Variants in GAK observed in about 807,000 individuals in gnomAD.
The protein encoded by GAK is cyclin G associated kinase, also known as cyclin-G-associated kinase.
In GAK, 79 loss-of-function variants were observed where a neutral mutation model predicts 143.9. The observed-to-expected ratio is 0.55, with a 90% CI of 0.46 to 0.66. GAK has a LOEUF of 0.66. Among genes scored for constraint, GAK ranks in the 30% least tolerant of loss-of-function variants. GAK has a pLI of 0.00. For synonymous variants in GAK, 881 were observed against 765.5 expected, an observed-to-expected ratio of 1.15 and a Z score of -2.49; for missense variants, 1,693 against 1,779.7, an observed-to-expected ratio of 0.95 and a Z score of 0.88.
chr4:884,015 C>T (rs774227004), intron 12 of GAK, 22 bp downstream of exon 12: 2 of 1,611,594 alleles, frequency 1.2e-6, no homozygotes, highest in East Asian at 2.2e-5. Flanking sequence ...GCGCGTCCCA[C>T]AGCCTCATGT....
intron 15 of GAK, among the ~76,000 whole-genome samples, chr4:879,361 C>A (rs1370716993): frequency 6.6e-6 from 1 of 152,240 alleles, no homozygotes. Flanking sequence ...GGATTAAAAT[C>A]TACCATCTTG....
At position 850,962 on chromosome 4, in the gene GAK, T is replaced by C; in HGVS notation, c.3631A>G (p.Lys1211Glu). Residue 1211 changes from lysine to glutamate, a missense_variant, in exon 26 of 28, where the codon AAA (lysine) becomes GAA (glutamate). By Grantham distance (56) the Lys-to-Glu change is moderately conservative. Around this residue, in one of 2 missense-constraint regions of GAK, gnomAD observed 822 missense variants for 788.7 expected, o/e 1.04. Coordinates refer to ENST00000314167, the MANE Select transcript of GAK (RefSeq NM_005255.4). ...TTCAGCTTGAGTGGGTCCGTGTCTT[T>C]AGCCAGGTCCTGCTTCCTCATCTCT... ...IAEMRKQDLAKDTDPLKLKLL... is the reference protein window; with the variant it reads ...IAEMRKQDLAEDTDPLKLKLL... 6.2e-7 allele frequency: 1 copy of C among 1,613,878 alleles called. No homozygotes were observed. Among genetic ancestry groups the C allele is most frequent in the Non-Finnish European group, 8.5e-7 (1 of 1,179,876 alleles).
intron 18 of GAK, among the ~76,000 whole-genome samples, chr4:873,020 C>T (rs7654120): frequency 9.2e-5 from 14 of 151,856 alleles, no homozygotes; most frequent in African/African-American, 2.2e-4. Flanking sequence ...CGCCCAGGCA[C>T]GGCGCAGGCT....
chr4:921,965 C>T (rs1281030729), intron 1 of GAK, among the ~76,000 whole-genome samples: 1 of 152,208 alleles, frequency 6.6e-6, no homozygotes, highest in African/African-American at 2.4e-5. Flanking sequence ...AAGGAGGTAT[C>T]GCTACACATG....
intron 4 of GAK, among the ~76,000 whole-genome samples, chr4:911,383 C>G (rs1012069403): frequency 6.6e-6 from 1 of 152,222 alleles, no homozygotes; most frequent in Non-Finnish European, 1.5e-5. Context: ...CACGCTCTAC[C>G]CCGTGCTGCC....
At chr4:891,638 T>C (rs1717682892) in intron 9 of GAK, among the ~76,000 whole-genome samples, 1 of 152,000 alleles carries the variant, frequency 6.6e-6, no homozygotes, top group South Asian at 2.1e-4. Context: ...ATTCTGCCCA[T>C]CTGCCCAGCG....
At position 894,269 on chromosome 4, in the gene GAK, G is replaced by A. The variant is rs142677280; in HGVS notation, c.742-260C>T. 804 of 249,008 alleles carry A rather than the reference G, an allele frequency of 3.2e-3. 4 individuals carry two copies. The highest frequency in any genetic ancestry group is 9.3e-3 in the Middle Eastern group (8 of 864). 15.4% of individuals were successfully genotyped at this position (249,008 alleles called of 1,614,324 possible). A position where few individuals can be genotyped will look rare whatever the true frequency, so the allele number is the denominator to read the frequency against. ...GGGCCGCGGGGAGCGCAGGGGTGACGTTGGGGCCGTGGGGAGCGCAGGGGT... is the reference window on the plus strand; with the variant it reads ...GGGCCGCGGGGAGCGCAGGGGTGACATTGGGGCCGTGGGGAGCGCAGGGGT... On this transcript the variant is annotated intron_variant, in intron 7 of 27. Transcript: ENST00000314167.
intron 15 of GAK, among the ~76,000 whole-genome samples, chr4:881,132 G>C (rs979435525): frequency 6.6e-6 from 1 of 152,234 alleles, no homozygotes; most frequent in African/African-American, 2.4e-5. Context: ...CACAGGCTGT[G>C]CGCCCCATCC....
chr4:850,909 C>G lies in GAK; in HGVS notation c.3657+27G>C, dbSNP rs1158549441. 4 of 1,605,968 alleles carry G rather than the reference C, an allele frequency of 2.5e-6. No individual in the cohort carries two copies. The African/African-American group carries it at 5.4e-5, about 22-fold the overall frequency. On this transcript the variant is annotated intron_variant, in intron 26 of 27. Coordinates refer to ENST00000314167, the MANE Select transcript of GAK (RefSeq NM_005255.4). ...GGCCATGGGTTGAGGCCTCTGGGCT[C>G]CCAGGAAGAGCTGCCCACCCACCCA...
At chr4:912,926 T>TGTCTCCA (rs1722297516) in intron 2 of GAK, 132 bp from the exon 3 acceptor site, 1 of 607,672 alleles carries the variant, frequency 1.6e-6, no homozygotes, top group African/African-American at 1.9e-5. Flanking sequence ...CCGTTTCGTG[T>TGTCTCCA]GTCTCCACCT....
At chr4:889,494 G>A (rs1391064522) in intron 10 of GAK, among the ~76,000 whole-genome samples, 1 of 152,082 alleles carries the variant, frequency 6.6e-6, no homozygotes, top group Non-Finnish European at 1.5e-5. Context: ...GGAGACCGAG[G>A]CCCAGGCAGC....
At chr4:884,876 C>T (rs1390327704) in intron 11 of GAK, among the ~76,000 whole-genome samples, 1 of 152,218 alleles carries the variant, frequency 6.6e-6, no homozygotes, top group Non-Finnish European at 1.5e-5. Context: ...CTGTCCCCAT[C>T]AGAGGAAAGC....
chr4:855,847 C>T (rs1280142248), intron 24 of GAK, among the ~76,000 whole-genome samples: 1 of 152,182 alleles, frequency 6.6e-6, no homozygotes, highest in Admixed American at 6.5e-5. Context: ...CCCAGCTACT[C>T]AGGAGGCTGA....
At chr4:881,590 C>G (rs1322501955) in intron 15 of GAK, among the ~76,000 whole-genome samples, 2 of 152,228 alleles carry the variant, frequency 1.3e-5, no homozygotes, top group East Asian at 3.8e-4. Flanking sequence ...GTCAGGTGCT[C>G]CACACGGCAT....
chr4:905,578 C>T (rs974803391), intron 4 of GAK, among the ~76,000 whole-genome samples: 4 of 151,862 alleles, frequency 2.6e-5, no homozygotes, highest in African/African-American at 9.7e-5. Context: ...ACGGACTTCG[C>T]CACGCCCCAG....
At chr4:877,996 T>C (rs969027341) in intron 15 of GAK, among the ~76,000 whole-genome samples, 187 bp from the exon 16 acceptor site, 1 of 152,212 alleles carries the variant, frequency 6.6e-6, no homozygotes, top group Admixed American at 6.5e-5. Context: ...TGTATACATA[T>C]ATGTATTTTT....
Position 925,370 on chromosome 4 carries a change from C to T in GAK, c.145+6673G>A, listed in dbSNP as rs112200368. On this transcript the variant is annotated intron_variant, in intron 1 of 27. Coordinates refer to ENST00000314167, the MANE Select transcript of GAK (RefSeq NM_005255.4). ...GCTGAGGACACCTCTCACCAGGATG[C>T]GTGTAGGATGCACGGAGCACGCTGG... Among the ~76,000 whole-genome samples the T allele has an allele frequency of 4.9e-4, 74 of 152,272 alleles. 1 individual carries two copies. The highest frequency in any genetic ancestry group is 1.7e-3 in the African/African-American group (69 of 41,546).
chr4:904,215 CT>C (rs1169578410), intron 5 of GAK, among the ~76,000 whole-genome samples: 10 of 147,314 alleles, frequency 6.8e-5, no homozygotes, highest in African/African-American at 2.0e-4. Flanking sequence ...GAGGGAGCCA[CT>C]ACCTTGTGGT....
intron 1 of GAK, among the ~76,000 whole-genome samples, chr4:929,732 G>A (rs1259871702): frequency 6.7e-6 from 1 of 149,086 alleles, no homozygotes; most frequent in East Asian, 2.0e-4. Flanking sequence ...GAAGAAATTA[G>A]AAAGCTATCT....
Sources: allele counts gnomAD v4.1 joint callset (sites outside exome capture counted in the v4.1 genomes callset), GRCh38; gene constraint gnomAD v4.1.1; regional missense constraint gnomAD v4.1.1; transcripts MANE v1.5; gene names NCBI Gene and HGNC (gene_info 2026-07-23, HGNC 2026-07-21).